Variants in GABRA2 observed in about 807,000 individuals in gnomAD.
The protein encoded by GABRA2 is gamma-aminobutyric acid type A receptor subunit alpha2.
Under a neutral mutation model 48.7 loss-of-function variants are expected in GABRA2, and 16 were observed. The ratio of observed to expected loss-of-function variants is 0.33; its 90% CI spans 0.22 to 0.50. The LOEUF is 0.50. Ranked by LOEUF, GABRA2 falls within the 20% of genes least tolerant of loss-of-function variation. The pLI is 0.98. For synonymous variants in GABRA2, 185 were observed against 184.5 expected (o/e 1.00, Z -0.02); for missense variants, 275 against 535.6 (o/e 0.51, Z 4.80).
At chr4:46,331,407 G>A (rs1436008969) in intron 4 of GABRA2, among the ~76,000 whole-genome samples, 5 of 152,086 alleles carry the variant, frequency 3.3e-5, no homozygotes, top group African/African-American at 7.2e-5. Flanking sequence ...TGGAATTTAG[G>A]TTCTCTAACG....
chr4:46,302,863 T>C (rs1432060855), intron 8 of GABRA2, among the ~76,000 whole-genome samples: 1 of 152,202 alleles, frequency 6.6e-6, no homozygotes, highest in Admixed American at 6.5e-5. Context: ...CTCTTTCTTG[T>C]TCTTCTTGGG....
intron 5 of GABRA2, among the ~76,000 whole-genome samples, chr4:46,311,936 T>C (rs138055874): frequency 0.028 from 4,195 of 152,136 alleles, 127 homozygotes; most frequent in Non-Finnish European, 0.04. Flanking sequence ...CCGTCTCTAC[T>C]AAAAATACAA....
intron 3 of GABRA2, among the ~76,000 whole-genome samples, chr4:46,384,022 T>C (rs561484898): frequency 1.5e-4 from 23 of 152,308 alleles, no homozygotes; most frequent in African/African-American, 5.5e-4. Flanking sequence ...ACATGCTTTG[T>C]GTACACTTTT....
At chr4:46,374,282 T>TC (rs771310387) in intron 3 of GABRA2, among the ~76,000 whole-genome samples, 7 of 152,216 alleles carry the variant, frequency 4.6e-5, no homozygotes, top group Non-Finnish European at 8.8e-5. Context: ...TTTCTAAAAG[T>TC]CCCCCATGAC....
At chr4:46,372,243 G>C (rs1257860904) in intron 3 of GABRA2, among the ~76,000 whole-genome samples, 1 of 152,088 alleles carries the variant, frequency 6.6e-6, no homozygotes, top group African/African-American at 2.4e-5. Flanking sequence ...GCAGAAATGT[G>C]CCCAATGCCA....
chr4:46,309,025 C>T (rs2109666858), intron 6 of GABRA2, among the ~76,000 whole-genome samples: 1 of 152,206 alleles, frequency 6.6e-6, no homozygotes, highest in African/African-American at 2.4e-5. Context: ...ATCGTGTTTA[C>T]ATTGTATAAC....
intron 3 of GABRA2, among the ~76,000 whole-genome samples, chr4:46,374,684 T>C (rs1385416003): frequency 6.6e-6 from 1 of 152,092 alleles, no homozygotes; most frequent in Non-Finnish European, 1.5e-5. Flanking sequence ...CATTTGAAAA[T>C]ATTATGACCT....
At chr4:46,299,846 A>C (rs1395065671) in intron 8 of GABRA2, among the ~76,000 whole-genome samples, 2 of 151,808 alleles carry the variant, frequency 1.3e-5, no homozygotes, top group Non-Finnish European at 2.9e-5. Context: ...AATGAACTTA[A>C]GCCTTGGAGT....
intron 9 of GABRA2, among the ~76,000 whole-genome samples, chr4:46,253,187 C>G (rs949988239): frequency 6.6e-6 from 1 of 150,816 alleles, no homozygotes; most frequent in South Asian, 2.1e-4. Flanking sequence ...TTTTTTGCAA[C>G]AGGAGTCTCC....
At position 46,245,142 on chromosome 4, in the gene GABRA2, G is replaced by A. The variant is rs1299107557; in HGVS notation, c.*5166C>T. Among the ~76,000 whole-genome samples, 1 of 151,212 alleles carries A rather than the reference G, an allele frequency of 6.6e-6. No individual in the cohort carries two copies. Among genetic ancestry groups the A allele is most frequent in the African/African-American group, 2.4e-5 (1 of 41,330 alleles). On this transcript the variant is annotated 3_prime_UTR_variant, in exon 10 of 10. Transcript: ENST00000381620. ...TCCAGAGCTTCAAGAATCACACAGT[G>A]ATGATGGCTGCTGTGAGGACTGAAT... is the stretch of plus-strand genomic sequence containing the variant.
intron 6 of GABRA2, among the ~76,000 whole-genome samples, chr4:46,306,481 T>A (rs1726721467): frequency 6.6e-6 from 1 of 152,174 alleles, no homozygotes; most frequent in Non-Finnish European, 1.5e-5. Context: ...TCTTAGCCTT[T>A]CTCTGACAGT....
intron 1 of GABRA2, 30 bp downstream of exon 1, chr4:46,389,705 C>T: frequency 1.0e-6 from 1 of 981,180 alleles, no homozygotes; most frequent in Non-Finnish European, 1.2e-6. Context: ...AGGAAAGTGT[C>T]TCTATCGGGA....
chr4:46,246,551 TA>T lies in GABRA2; in HGVS notation c.*3756del, dbSNP rs1450352245. Among the ~76,000 whole-genome samples the T allele has an allele frequency of 1.3e-5, 2 of 151,016 alleles. No homozygotes were observed. Among genetic ancestry groups the T allele is most frequent in the East Asian group, 3.9e-4 (2 of 5,104 alleles). ...CACGAGGTGCCTATGGGACCTCAATTAAAAGGAAAATGAATGGCACTATAGG... is the reference window on the plus strand; with the variant it reads ...CACGAGGTGCCTATGGGACCTCAATTAAAGGAAAATGAATGGCACTATAGG... On this transcript the variant is annotated 3_prime_UTR_variant, in exon 10 of 10. Coordinates refer to ENST00000381620, the MANE Select transcript of GABRA2 (RefSeq NM_000807.4).
intron 8 of GABRA2, among the ~76,000 whole-genome samples, chr4:46,264,126 G>C (rs2109361165): frequency 6.8e-6 from 1 of 147,030 alleles, no homozygotes; most frequent in South Asian, 2.3e-4. Flanking sequence ...TGTTGAGACT[G>C]TTCATTGCTT....
chr4:46,262,404 T>C (rs1438023422), intron 8 of GABRA2, among the ~76,000 whole-genome samples: 3 of 152,128 alleles, frequency 2.0e-5, no homozygotes, highest in Non-Finnish European at 2.9e-5. Context: ...TTAAGTACTG[T>C]TGAAGTTAAA....
At chr4:46,311,504 AT>A (rs964643397) in intron 5 of GABRA2, among the ~76,000 whole-genome samples, 10 of 152,124 alleles carry the variant, frequency 6.6e-5, no homozygotes, top group Admixed American at 3.9e-4. Context: ...TAGATTTGTT[AT>A]TTTTTTCTTA....
At chr4:46,376,196 C>T (rs1332609154) in intron 3 of GABRA2, among the ~76,000 whole-genome samples, 2 of 152,348 alleles carry the variant, frequency 1.3e-5, no homozygotes, top group East Asian at 3.9e-4. Flanking sequence ...TCATTTGACT[C>T]TTTCCATGTT....
intron 6 of GABRA2, among the ~76,000 whole-genome samples, chr4:46,308,501 T>TATTACTCCACAC (rs1184396350): frequency 6.6e-6 from 1 of 152,186 alleles, no homozygotes; most frequent in Admixed American, 6.5e-5. Context: ...TTGGCTTGTA[T>TATTACTCCACAC]ATTACTCCAC....
At chr4:46,355,262 A>C (rs1735777428) in intron 3 of GABRA2, among the ~76,000 whole-genome samples, 1 of 152,184 alleles carries the variant, frequency 6.6e-6, no homozygotes, top group South Asian at 2.1e-4. Context: ...CGGTATAAAC[A>C]TAGAGGAATA....
Sources: allele counts gnomAD v4.1 joint callset (sites outside exome capture counted in the v4.1 genomes callset), GRCh38; gene constraint gnomAD v4.1.1; transcripts MANE v1.5; gene names NCBI Gene and HGNC (gene_info 2026-07-23, HGNC 2026-07-21).